The following PRKCA variants were observed in gnomAD, a reference collection of about 807,000 sequenced individuals.
The protein encoded by PRKCA is protein kinase C alpha type.
Under a neutral mutation model 87.0 loss-of-function variants are expected in PRKCA, and 27 were observed. That is an observed-to-expected ratio of 0.31 (90% CI 0.23 to 0.43). The LOEUF is 0.43. PRKCA is among the 20% of genes least tolerant of loss of function. PRKCA has a pLI of 1.00. For synonymous variants in PRKCA, 329 were observed against 311.1 expected (o/e 1.06, Z -0.61); for missense variants, 518 against 852.3 (o/e 0.61, Z 4.88).
intron 5 of PRKCA, chr17:66,676,708 G>A (rs1356564590): frequency 6.6e-6 from 1 of 152,300 alleles, no homozygotes; most frequent in Non-Finnish European, 1.5e-5. Flanking sequence ...GAGGCTGTGA[G>A]TCATGTTTGT....
intron 2 of PRKCA, among the ~76,000 whole-genome samples, chr17:66,482,265 C>T (rs1287679449): frequency 6.6e-6 from 1 of 152,008 alleles, no homozygotes; most frequent in Admixed American, 6.6e-5. Context: ...AGGATGATGG[C>T]TCCTCATGGA....
At chr17:66,654,310 G>A (rs983618558) in intron 5 of PRKCA, among the ~76,000 whole-genome samples, 2 of 152,212 alleles carry the variant, frequency 1.3e-5, no homozygotes, top group African/African-American at 4.8e-5. Flanking sequence ...TAGATCCTGT[G>A]AGAAGAGAAA....
intron 2 of PRKCA, among the ~76,000 whole-genome samples, chr17:66,444,504 T>C (rs917064416): frequency 3.9e-5 from 6 of 152,216 alleles, no homozygotes; most frequent in African/African-American, 1.4e-4. Context: ...GCTAGGCTGC[T>C]TAAGGCATAT....
intron 2 of PRKCA, among the ~76,000 whole-genome samples, chr17:66,309,855 A>G (rs960688090): frequency 2.0e-5 from 3 of 152,154 alleles, no homozygotes; most frequent in Non-Finnish European, 4.4e-5. Context: ...TGGTATGGAC[A>G]TTGATGAAGT....
chr17:66,603,574 C>T (rs1031979964), intron 3 of PRKCA, among the ~76,000 whole-genome samples: 1 of 152,100 alleles, frequency 6.6e-6, no homozygotes, highest in Non-Finnish European at 1.5e-5. Context: ...ATGCCTTTTT[C>T]TCTTTCAAAT....
At chr17:66,738,928 C>A in intron 11 of PRKCA, 73 bp downstream of exon 11, 1 of 1,194,834 alleles carries the variant, frequency 8.4e-7, no homozygotes, top group East Asian at 2.5e-5. Context: ...TTTTTTCCCC[C>A]CCGCTTGAGA....
At chr17:66,325,158 C>T (rs2143241138) in intron 2 of PRKCA, among the ~76,000 whole-genome samples, 1 of 152,250 alleles carries the variant, frequency 6.6e-6, no homozygotes, top group African/African-American at 2.4e-5. Flanking sequence ...ACATTTCATC[C>T]AAAGCAAACC....
In PRKCA at chr17:66,804,086, A is replaced by G. The variant is rs552788547; in HGVS notation, c.*49A>G. ...CTCCCCAGCCCCCAGCCCTCCCCGC[A>G]GTGGGAAGTGAATCCTTAACCCTAA... On this transcript the variant is annotated 3_prime_UTR_variant, in exon 17 of 17. Coordinates refer to ENST00000413366, the MANE Select transcript of PRKCA (RefSeq NM_002737.3). The G allele has an allele frequency of 6.4e-7, 1 of 1,571,182 alleles. No homozygotes were observed. The highest frequency in any genetic ancestry group is 8.7e-7 in the Non-Finnish European group (1 of 1,153,540).
intron 3 of PRKCA, among the ~76,000 whole-genome samples, chr17:66,557,967 C>T (rs1017306515): frequency 2.6e-5 from 4 of 152,224 alleles, no homozygotes; most frequent in African/African-American, 9.7e-5. Flanking sequence ...GTCCAGACAC[C>T]TGCCAGCAAA....
intron 5 of PRKCA, among the ~76,000 whole-genome samples, chr17:66,654,027 G>A (rs1269676872): frequency 6.6e-6 from 1 of 152,186 alleles, no homozygotes; most frequent in Non-Finnish European, 1.5e-5. Flanking sequence ...CCTGGGGAGA[G>A]GCACAGCAAG....
At chr17:66,730,054 G>A (rs1379659247) in intron 8 of PRKCA, among the ~76,000 whole-genome samples, 1 of 152,128 alleles carries the variant, frequency 6.6e-6, no homozygotes, top group Non-Finnish European at 1.5e-5. Context: ...CCCTCCCAAA[G>A]TGCTGGGATT....
At chr17:66,775,101 ATC>A in intron 14 of PRKCA, 1 of 985,418 alleles carries the variant, frequency 1.0e-6, no homozygotes, top group Non-Finnish European at 1.2e-6. Flanking sequence ...TAGTGGAGAA[ATC>A]TGAGACCCTA....
intron 2 of PRKCA, among the ~76,000 whole-genome samples, chr17:66,393,019 G>A (rs1200822999): frequency 6.6e-6 from 1 of 152,142 alleles, no homozygotes; most frequent in African/African-American, 2.4e-5. Flanking sequence ...CTAAATAGAG[G>A]GGAAATGATG....
chr17:66,530,463 A>G (rs994884156), intron 3 of PRKCA, among the ~76,000 whole-genome samples: 11 of 152,218 alleles, frequency 7.2e-5, no homozygotes, highest in Non-Finnish European at 1.5e-4. Context: ...CTTTTCAGCT[A>G]TAGAGATGGC....
chr17:66,730,845 C>T (rs917256945), intron 8 of PRKCA, among the ~76,000 whole-genome samples: 6 of 152,216 alleles, frequency 3.9e-5, no homozygotes, highest in Admixed American at 3.3e-4. Context: ...TCAATCAGTA[C>T]TTGTGGGATG....
intron 2 of PRKCA, among the ~76,000 whole-genome samples, chr17:66,321,808 T>G (rs1905685729): frequency 6.6e-6 from 1 of 152,228 alleles, no homozygotes; most frequent in South Asian, 2.1e-4. Flanking sequence ...CCTCCCAAAG[T>G]GCTGGGATTA....
At chr17:66,702,130 A>G (rs191197399) in intron 8 of PRKCA, among the ~76,000 whole-genome samples, 2 of 151,982 alleles carry the variant, frequency 1.3e-5, no homozygotes, top group Admixed American at 6.5e-5. Flanking sequence ...ATGTGTGTGC[A>G]TATTCATATA....
At chr17:66,594,935 C>T (rs945068152) in intron 3 of PRKCA, among the ~76,000 whole-genome samples, 2 of 152,120 alleles carry the variant, frequency 1.3e-5, no homozygotes, top group African/African-American at 4.8e-5. Context: ...TGCCACATTT[C>T]GGTGGCTGAA....
intron 2 of PRKCA, among the ~76,000 whole-genome samples, chr17:66,378,556 A>G (rs1196826828): frequency 3.3e-5 from 5 of 152,126 alleles, no homozygotes; most frequent in Non-Finnish European, 4.4e-5. Flanking sequence ...GCAACCATGA[A>G]TCTACTTTCT....
Sources: gnomAD v4.1 joint callset for allele counts (sites outside exome capture counted in the v4.1 genomes callset) on GRCh38, gnomAD v4.1.1 for gene constraint, MANE v1.5 for transcripts, NCBI Gene and HGNC (gene_info 2026-07-23, HGNC 2026-07-21) for gene names.